The following FAM13A variants were observed in gnomAD, a reference collection of about 807,000 sequenced individuals.
FAM13A encodes family with sequence similarity 13 member A, also known as protein FAM13A.
In FAM13A, 76 loss-of-function variants were observed where a neutral mutation model predicts 129.6. The observed-to-expected ratio is 0.59, with a 90% CI of 0.49 to 0.71. The LOEUF (loss-of-function observed/expected upper bound fraction) is 0.71. FAM13A is among the 30% of genes least tolerant of loss of function. The pLI, the probability that FAM13A is intolerant of heterozygous loss-of-function variation, is 0.00. For synonymous variants in FAM13A, 443 were observed against 449.9 expected (o/e 0.98, Z 0.20); for missense variants, 1,108 against 1,249.3 (o/e 0.89, Z 1.70).
intron 19 of FAM13A, 43 bp from the exon 20 acceptor site, chr4:88,739,168 A>G: frequency 7.6e-7 from 1 of 1,313,430 alleles, no homozygotes; most frequent in Non-Finnish European, 1.1e-6. Context: ...TGCTGCTGGG[A>G]GTCACAACCA....
At chr4:88,906,304 C>T (rs935746624) in intron 6 of FAM13A, 75 bp downstream of exon 6, 1 of 1,060,866 alleles carries the variant, frequency 9.4e-7, no homozygotes, top group Non-Finnish European at 1.4e-6. Flanking sequence ...AACAAACAAA[C>T]AAACAAAAAC....
At chr4:88,871,353 A>G (rs912460758) in intron 6 of FAM13A, among the ~76,000 whole-genome samples, 1 of 152,218 alleles carries the variant, frequency 6.6e-6, no homozygotes, top group Admixed American at 6.5e-5. Flanking sequence ...TCTTCGAGCT[A>G]AAGGAGGATG....
Position 88,750,605 on chromosome 4 carries a change from C to T in FAM13A, c.1759G>A (p.Glu587Lys), listed in dbSNP as rs372853827. ...PIPAFSSWQR[E>K]NSDSDEAHLS... ...TGGGCTTCATCAGAGTCACTGTTCT[C>T]CCGCTGCCAGGAGGAGAAAGCAGGG... The change falls in exon 15 of 24, where the codon GAG (glutamate) becomes AAG (lysine). Residue 587 changes from glutamate to lysine, a missense_variant. Glu to Lys is a moderately conservative substitution (Grantham distance 56). Transcript: ENST00000264344. The T allele has an allele frequency of 6.2e-7, 1 of 1,614,036 alleles. No individual in the cohort carries two copies. The highest frequency in any genetic ancestry group is 8.5e-7 in the Non-Finnish European group (1 of 1,180,032).
At chr4:88,863,867 C>T (rs1739937007) in intron 6 of FAM13A, among the ~76,000 whole-genome samples, 1 of 152,032 alleles carries the variant, frequency 6.6e-6, no homozygotes, top group African/African-American at 2.4e-5. Flanking sequence ...TGGATAGAGT[C>T]ATCAGGGTAA....
chr4:88,812,446 G>T (rs1178962954), intron 7 of FAM13A, among the ~76,000 whole-genome samples: 1 of 152,118 alleles, frequency 6.6e-6, no homozygotes, highest in African/African-American at 2.4e-5. Context: ...GGCACATGAA[G>T]TCCCTCCCAA....
chr4:88,925,751 A>G (rs1187266029), intron 5 of FAM13A, among the ~76,000 whole-genome samples: 1 of 152,152 alleles, frequency 6.6e-6, no homozygotes, highest in African/African-American at 2.4e-5. Flanking sequence ...TGTATAAGTA[A>G]ATATGAGATA....
intron 14 of FAM13A, among the ~76,000 whole-genome samples, chr4:88,755,684 A>G (rs1198111523): frequency 1.3e-5 from 2 of 148,446 alleles, no homozygotes; most frequent in Non-Finnish European, 3.0e-5. Flanking sequence ...AGGAAGGTTC[A>G]AGTGGAATAT....
chr4:88,843,142 A>G (rs1034552732), intron 7 of FAM13A, among the ~76,000 whole-genome samples: 1 of 152,178 alleles, frequency 6.6e-6, no homozygotes, highest in Non-Finnish European at 1.5e-5. Flanking sequence ...ATCCAGTTTG[A>G]GAGGTTGGGG....
intron 13 of FAM13A, among the ~76,000 whole-genome samples, chr4:88,761,764 G>A (rs1744857721): frequency 6.6e-6 from 1 of 152,024 alleles, no homozygotes; most frequent in East Asian, 1.9e-4. Context: ...AAATATTATG[G>A]CATAATAGGG....
intron 6 of FAM13A, among the ~76,000 whole-genome samples, chr4:88,894,570 C>T (rs541556980): frequency 6.6e-6 from 1 of 152,286 alleles, no homozygotes; most frequent in East Asian, 1.9e-4. Flanking sequence ...GTCACTCAGG[C>T]TGGAGTGCAG....
In FAM13A at chr4:88,946,311, G is replaced by C. The variant is rs113701071; in HGVS notation, c.606-8070C>G. On this transcript the variant is annotated intron_variant, in intron 4 of 23. Transcript: ENST00000264344. ...TAAATAACTCAGTCTCCTCTGTCCG[G>C]TGTGCTCTTGTGGCTGGATAGCTAT... Among the ~76,000 whole-genome samples, 619 of 151,400 alleles carry C rather than the reference G, an allele frequency of 4.1e-3. 6 individuals are homozygous for C. Among genetic ancestry groups the C allele is most frequent in the African/African-American group, 0.014 (596 of 41,220 alleles).
chr4:89,002,176 CAAAAAA>C (rs11370599), intron 3 of FAM13A, among the ~76,000 whole-genome samples: 6 of 115,660 alleles, frequency 5.2e-5, no homozygotes, highest in Middle Eastern at 4.9e-3. Context: ...CACCCAACGG[CAAAAAA>C]AAAAAAAAAA....
At chr4:88,799,302 C>T (rs1217670676) in intron 8 of FAM13A, among the ~76,000 whole-genome samples, 1 of 152,126 alleles carries the variant, frequency 6.6e-6, no homozygotes, top group Non-Finnish European at 1.5e-5. Context: ...ACATACTTCA[C>T]AACTAAAGGA....
intron 13 of FAM13A, among the ~76,000 whole-genome samples, chr4:88,765,711 C>T (rs1745604390): frequency 6.6e-6 from 1 of 152,148 alleles, no homozygotes; most frequent in Non-Finnish European, 1.5e-5. Flanking sequence ...TAGAAATCAT[C>T]CCAATCTTGT....
chr4:88,746,644 C>A (rs1488553141), intron 19 of FAM13A, among the ~76,000 whole-genome samples: 1 of 152,122 alleles, frequency 6.6e-6, no homozygotes, highest in Non-Finnish European at 1.5e-5. Flanking sequence ...CGACCCCTGG[C>A]CCCTCCACCA....
intron 1 of FAM13A, among the ~76,000 whole-genome samples, chr4:89,049,995 C>A (rs956285021): frequency 1.3e-5 from 2 of 152,192 alleles, no homozygotes; most frequent in Non-Finnish European, 2.9e-5. Context: ...AAATAAGATA[C>A]GATCTTTTCT....
chr4:88,739,786 C>CAAAAA lies in FAM13A; in HGVS notation c.2467-666_2467-662dup, dbSNP rs34007551. Among the ~76,000 whole-genome samples, 60 of 67,882 alleles carry CAAAAA rather than the reference C, an allele frequency of 8.8e-4. 1 individual carries two copies. Among genetic ancestry groups the CAAAAA allele is most frequent in the African/African-American group, 2.6e-3 (46 of 17,610 alleles). The allele number at this position is 67,882 out of a possible 152,430, so 44.5% of individuals were successfully genotyped here. A position where few individuals can be genotyped will look rare whatever the true frequency, so the allele number is the denominator to read the frequency against. On this transcript the variant is annotated intron_variant, in intron 19 of 23. Coordinates refer to ENST00000264344, the MANE Select transcript of FAM13A (RefSeq NM_014883.4). The stretch of plus-strand genomic sequence containing the variant: ...TGGGTGACAGAGAAAGACTCTGTCT[C>CAAAAA]AAAAAAAAAAAAAAAAAAAAATACA...
Position 88,846,289 on chromosome 4 carries a change from T to A in FAM13A, c.1007+4731A>T, listed in dbSNP as rs1192804052. Among the ~76,000 whole-genome samples, 5 of 152,354 alleles carry A rather than the reference T, an allele frequency of 3.3e-5. No individual in the cohort carries two copies. The East Asian group carries it at 7.7e-4, about 23-fold the overall frequency. On this transcript the variant is annotated intron_variant, in intron 7 of 23. Coordinates refer to ENST00000264344, the MANE Select transcript of FAM13A (RefSeq NM_014883.4). ...ATGATTTTTTATGAAATTTCCAAGA[T>A]GTTTCAGCTTCTTCTTTCTGTTTTA...
intron 4 of FAM13A, among the ~76,000 whole-genome samples, chr4:88,967,055 C>G (rs1759449728): frequency 6.6e-6 from 1 of 152,128 alleles, no homozygotes; most frequent in Admixed American, 6.5e-5. Context: ...CTCACATGGT[C>G]TATTTCTTCA....
Sources: gnomAD v4.1 joint callset for allele counts (sites outside exome capture counted in the v4.1 genomes callset) on GRCh38, gnomAD v4.1.1 for gene constraint, MANE v1.5 for transcripts, NCBI Gene and HGNC (gene_info 2026-07-23, HGNC 2026-07-21) for gene names.